The following EDIL3 variants were observed in gnomAD, a reference collection of about 807,000 sequenced individuals.
The protein encoded by EDIL3 is EGF like and discoidin domains 3.
EDIL3 carries 37 observed loss-of-function variants against 67.4 expected under a neutral mutation model. The ratio of observed to expected loss-of-function variants is 0.55; its 90% CI spans 0.42 to 0.72. EDIL3 has a LOEUF of 0.72. EDIL3 is among the 30% of genes least tolerant of loss of function. The pLI is 0.00. For missense variants in EDIL3, 527 were observed against 586.3 expected (o/e 0.90, Z 1.04); for synonymous variants, 195 against 196.3 (o/e 0.99, Z 0.05).
chr5:84,116,034 C>T (rs1264834309), intron 5 of EDIL3, among the ~76,000 whole-genome samples: 1 of 152,136 alleles, frequency 6.6e-6, no homozygotes, highest in African/African-American at 2.4e-5. Flanking sequence ...ATATTACTGC[C>T]ATGTCAGGCA....
intron 5 of EDIL3, among the ~76,000 whole-genome samples, chr5:84,133,693 A>G (rs1748039010): frequency 6.6e-6 from 1 of 151,992 alleles, no homozygotes; most frequent in Non-Finnish European, 1.5e-5. Flanking sequence ...AGAAGAATTG[A>G]TGTAATGGTG....
intron 9 of EDIL3, among the ~76,000 whole-genome samples, chr5:84,041,699 TA>T (rs1746128799): frequency 1.6e-5 from 1 of 61,464 alleles, no homozygotes; most frequent in African/African-American, 1.2e-4. Context: ...TATCTCTACC[TA>T]TATATATATA....
chr5:84,076,576 C>G (rs771832214), intron 6 of EDIL3, among the ~76,000 whole-genome samples: 11 of 152,164 alleles, frequency 7.2e-5, no homozygotes, highest in Non-Finnish European at 1.3e-4. Flanking sequence ...ACACATTTCA[C>G]TATATAATAC....
intron 9 of EDIL3, among the ~76,000 whole-genome samples, chr5:84,022,135 C>A (rs1215720353): frequency 1.3e-5 from 2 of 151,832 alleles, no homozygotes; most frequent in East Asian, 3.9e-4. Flanking sequence ...GGCCCAAATT[C>A]ATGATGAATA....
intron 6 of EDIL3, among the ~76,000 whole-genome samples, chr5:84,088,662 A>C (rs919626029): frequency 3.3e-5 from 5 of 152,186 alleles, no homozygotes; most frequent in African/African-American, 1.2e-4. Flanking sequence ...TAAATGTTTC[A>C]AAGTGATTGA....
chr5:84,191,727 T>TA (rs869057664), intron 3 of EDIL3, among the ~76,000 whole-genome samples: 10 of 151,548 alleles, frequency 6.6e-5, no homozygotes, highest in South Asian at 4.2e-4. Context: ...ATATTTTTTT[T>TA]AAAAAAAAGG....
In EDIL3 at chr5:83,963,482, G is replaced by C. The variant is rs528153293; in HGVS notation, c.1138-122C>G. The stretch of plus-strand genomic sequence containing the variant: ...AAATCAAAAATCTGTCTAGTTATTT[G>C]TATTTTGAAACCAATGACTGAGTCT... On this transcript the variant is annotated intron_variant, in intron 9 of 10. Coordinates refer to ENST00000296591, the MANE Select transcript of EDIL3 (RefSeq NM_005711.5). 1.7e-5 allele frequency: 19 copies of C among 1,145,166 alleles called. No individual in the cohort carries two copies. In the African/African-American group the frequency reaches 2.7e-4, roughly 16 times the overall value. 70.9% of individuals were successfully genotyped at this position (1,145,166 alleles called of 1,614,324 possible).
chr5:84,237,888 A>T (rs1019489082), intron 2 of EDIL3, among the ~76,000 whole-genome samples: 1 of 152,060 alleles, frequency 6.6e-6, no homozygotes, highest in African/African-American at 2.4e-5. Context: ...ATATAGTAAA[A>T]CTTCCAATGT....
intron 9 of EDIL3, among the ~76,000 whole-genome samples, chr5:83,964,291 C>T (rs1744654807): frequency 1.3e-5 from 2 of 151,768 alleles, no homozygotes; most frequent in Admixed American, 6.6e-5. Context: ...GCAGACAACT[C>T]TTGTAAGATC....
chr5:84,193,980 T>G (rs533549767), intron 3 of EDIL3, among the ~76,000 whole-genome samples: 15 of 152,060 alleles, frequency 9.9e-5, no homozygotes, highest in African/African-American at 3.1e-4. Flanking sequence ...CCAAATAATA[T>G]TCTAGTTGAT....
intron 4 of EDIL3, among the ~76,000 whole-genome samples, chr5:84,143,641 T>G (rs1748329385): frequency 6.6e-6 from 1 of 152,026 alleles, no homozygotes; most frequent in South Asian, 2.1e-4. Context: ...TTGGCCAGTA[T>G]GACAAGACAG....
At chr5:84,222,599 T>A (rs1242331706) in intron 3 of EDIL3, among the ~76,000 whole-genome samples, 1 of 151,912 alleles carries the variant, frequency 6.6e-6, no homozygotes, top group Non-Finnish European at 1.5e-5. Flanking sequence ...ATTTTAACTT[T>A]ATAAATATAT....
chr5:84,258,970 CTTTTTTTT>C (rs144344642), intron 1 of EDIL3, among the ~76,000 whole-genome samples: 2 of 77,924 alleles, frequency 2.6e-5, no homozygotes, highest in Non-Finnish European at 4.6e-5. Flanking sequence ...TTCGTAGAGT[CTTTTTTTT>C]TTTTTTTTTT....
chr5:84,205,181 G>A (rs748461756), intron 3 of EDIL3, among the ~76,000 whole-genome samples: 15 of 151,844 alleles, frequency 9.9e-5, no homozygotes, highest in Non-Finnish European at 2.1e-4. Context: ...ATCCAAAAGG[G>A]TTGGGATTAC....
chr5:84,371,473 AGAGAAAG>A (rs1747854266), intron 1 of EDIL3, among the ~76,000 whole-genome samples: 1 of 147,062 alleles, frequency 6.8e-6, no homozygotes, highest in Non-Finnish European at 1.5e-5. Flanking sequence ...AGAGAGAGAG[AGAGAAAG>A]AGAGAGAGAG....
chr5:84,020,676 C>T (rs1745699604), intron 9 of EDIL3, among the ~76,000 whole-genome samples: 1 of 151,830 alleles, frequency 6.6e-6, no homozygotes, highest in African/African-American at 2.4e-5. Context: ...ATTTATCTAT[C>T]TACATAGCAA....
At chr5:83,961,029 C>A (rs957530583) in intron 10 of EDIL3, among the ~76,000 whole-genome samples, 3 of 150,932 alleles carry the variant, frequency 2.0e-5, no homozygotes, top group South Asian at 2.1e-4. Context: ...ACTAAAAAAT[C>A]ATATGCTAAG....
At chr5:84,244,827 A>G (rs1744874971) in intron 2 of EDIL3, among the ~76,000 whole-genome samples, 1 of 152,184 alleles carries the variant, frequency 6.6e-6, no homozygotes, top group African/African-American at 2.4e-5. Flanking sequence ...CAGTAGGTGA[A>G]AGAGCATCAC....
intron 10 of EDIL3, among the ~76,000 whole-genome samples, chr5:83,962,966 C>A (rs564532550): frequency 6.6e-6 from 1 of 151,668 alleles, no homozygotes; most frequent in East Asian, 1.9e-4. Context: ...AGATCTTAGG[C>A]AATTAATAGT....
Sources: gnomAD v4.1 joint callset for allele counts (sites outside exome capture counted in the v4.1 genomes callset) on GRCh38, gnomAD v4.1.1 for gene constraint, MANE v1.5 for transcripts, NCBI Gene and HGNC (gene_info 2026-07-23, HGNC 2026-07-21) for gene names.